The following RUFY4 variants were observed in gnomAD, a reference collection of about 807,000 sequenced individuals.
RUFY4 encodes RUN and FYVE domain containing 4.
A neutral mutation model predicts 69.0 loss-of-function variants in RUFY4; 73 were observed. The ratio of observed to expected loss-of-function variants is 1.06; its 90% confidence interval spans 0.88 to 1.29. The LOEUF is 1.29. Among genes scored for constraint, RUFY4 ranks in the 50% most tolerant of loss-of-function variants. RUFY4 has a pLI of 0.00. For missense variants in RUFY4, 770 were observed against 705.6 expected, an observed-to-expected ratio of 1.09 and a Z score of -1.03; for synonymous variants, 287 against 271.8, an observed-to-expected ratio of 1.06 and a Z score of -0.55.
intron 3 of RUFY4, among the ~76,000 whole-genome samples, chr2:218,062,610 C>T (rs1429128312): frequency 1.3e-5 from 2 of 151,978 alleles, no homozygotes; most frequent in East Asian, 3.9e-4. Flanking sequence ...ACCTGGGAGG[C>T]TGAGGCAGGA....
intron 8 of RUFY4, among the ~76,000 whole-genome samples, chr2:218,082,642 T>C (rs563428289): frequency 3.0e-4 from 46 of 152,242 alleles, no homozygotes; most frequent in Middle Eastern, 3.4e-3. Context: ...ACATACATTG[T>C]GTGCATGTTG....
chr2:218,061,286 G>A (rs1029049821), intron 3 of RUFY4: 7 of 321,940 alleles, frequency 2.2e-5, no homozygotes, highest in Non-Finnish European at 4.3e-5. Flanking sequence ...TGATTTCTAG[G>A]GATTCTGGCC....
chr2:218,074,031 G>A (rs1689561747), intron 6 of RUFY4, 146 bp downstream of exon 8: 1 of 805,564 alleles, frequency 1.2e-6, no homozygotes. Flanking sequence ...AGTGTGTGGA[G>A]CAGGGGACTG....
chr2:218,044,454 A>G (rs2106027881), intron 2 of RUFY4, among the ~76,000 whole-genome samples: 1 of 152,238 alleles, frequency 6.6e-6, no homozygotes, highest in Admixed American at 6.5e-5. Flanking sequence ...CTTTTATTTT[A>G]AGTTCAGGGT....
Position 218,076,450 on chromosome 2 carries a change from GGC to G in RUFY4, c.1273_1274del (p.Ala425Ter). The G allele has an allele frequency of 6.5e-7, 1 of 1,549,922 alleles. No individual in the cohort carries two copies. The highest frequency in any genetic ancestry group is 8.7e-7 in the Non-Finnish European group (1 of 1,146,230). On this transcript the variant is annotated frameshift_variant, in exon 8 of 11. Coordinates refer to ENST00000344321, the Ensembl canonical transcript of RUFY4. LOFTEE classifies it high-confidence loss of function. ...AGAGCCTCAGACTTGGGCTCCGGAAGGCTGAGGAGCAGGCCCAGCGCCAGGAG... is the reference window on the plus strand; with the variant it reads ...AGAGCCTCAGACTTGGGCTCCGGAAGTGAGGAGCAGGCCCAGCGCCAGGAG...
At chr2:218,050,597 A>C (rs1181178739) in intron 2 of RUFY4, among the ~76,000 whole-genome samples, 3 of 152,336 alleles carry the variant, frequency 2.0e-5, no homozygotes, top group Non-Finnish European at 4.4e-5. Context: ...CAAAATCCAC[A>C]GCATTTCATG....
chr2:218,086,699 G>A (rs1034697908), intron 9 of RUFY4, among the ~76,000 whole-genome samples: 1 of 152,134 alleles, frequency 6.6e-6, no homozygotes, highest in Non-Finnish European at 1.5e-5. Context: ...AAACAAGGAA[G>A]TAAGCCAAGA....
intron 6 of RUFY4, 142 bp from the exon 9 acceptor site, chr2:218,074,951 G>A (rs761913034): frequency 3.9e-5 from 37 of 938,604 alleles, no homozygotes; most frequent in Non-Finnish European, 5.3e-5. Context: ...TTTGGGGTTT[G>A]ATAAATCAAA....
At chr2:218,074,996 A>T in intron 6 of RUFY4, 97 bp from the exon 9 acceptor site, 1 of 1,301,828 alleles carries the variant, frequency 7.7e-7, no homozygotes, top group Non-Finnish European at 1.0e-6. Flanking sequence ...CTATCTATTT[A>T]GCAAGCTGAT....
chr2:218,048,941 T>A (rs1053943606), intron 2 of RUFY4, among the ~76,000 whole-genome samples: 2 of 152,346 alleles, frequency 1.3e-5, no homozygotes, highest in Middle Eastern at 6.8e-3. Context: ...ATGGGTTAAG[T>A]TGGCTGATTG....
exon 11 of RUFY4, chr2:218,090,477 A>T (rs1171852455): frequency 5.7e-6 from 1 of 176,490 alleles, no homozygotes; most frequent in African/African-American, 2.4e-5. Flanking sequence ...ACTCTCCAGC[A>T]GCTTCCTGTC....
exon 7 of RUFY4, chr2:218,075,183 C>A: frequency 6.4e-7 from 1 of 1,557,340 alleles, no homozygotes; most frequent in African/African-American, 1.4e-5. Flanking sequence ...ACCCAGTGGA[C>A]AGCAGCTGGC....
At chr2:218,052,035 T>A (rs1688954120) in intron 2 of RUFY4, among the ~76,000 whole-genome samples, 1 of 152,210 alleles carries the variant, frequency 6.6e-6, no homozygotes, top group South Asian at 2.1e-4. Context: ...TTAAAGCTTT[T>A]CAGATTCATG....
chr2:218,074,988 A>C, intron 6 of RUFY4, 105 bp from the exon 9 acceptor site: 1 of 1,229,600 alleles, frequency 8.1e-7, no homozygotes, highest in South Asian at 1.7e-5. Context: ...CCTGGTACCT[A>C]TCTATTTAGC....
chr2:218,059,603 C>T (rs1183004996), intron 3 of RUFY4: 1 of 167,058 alleles, frequency 6.0e-6, no homozygotes, highest in Non-Finnish European at 1.5e-5. Flanking sequence ...ATGAGTACTT[C>T]ATTCCTCTTT....
At chr2:218,053,014 C>A (rs1688981193) in intron 2 of RUFY4, among the ~76,000 whole-genome samples, 5 of 152,064 alleles carry the variant, frequency 3.3e-5, no homozygotes, top group Admixed American at 3.3e-4. Context: ...GGCTCAAGTG[C>A]AATCGCATGA....
chr2:218,056,009 C>T (rs1188581802), intron 2 of RUFY4, among the ~76,000 whole-genome samples: 1 of 152,214 alleles, frequency 6.6e-6, no homozygotes. Flanking sequence ...CTTCAGTCCA[C>T]CTGGAGAGCA....
chr2:218,058,778 AC>A (rs1451123398), intron 3 of RUFY4: 2 of 152,326 alleles, frequency 1.3e-5, no homozygotes, highest in Non-Finnish European at 2.9e-5. Flanking sequence ...CTGCTGGCTG[AC>A]CTGGAAGAGC....
intron 2 of RUFY4, among the ~76,000 whole-genome samples, chr2:218,058,333 G>A (rs923915082): frequency 2.0e-5 from 3 of 152,136 alleles, no homozygotes; most frequent in South Asian, 2.1e-4. Context: ...AAAAACTTAC[G>A]TTTATAGCCT....
Sources: allele counts gnomAD v4.1 joint callset (sites outside exome capture counted in the v4.1 genomes callset), GRCh38; gene constraint gnomAD v4.1.1; transcripts MANE v1.5; gene names NCBI Gene and HGNC (gene_info 2026-07-23, HGNC 2026-07-21).